The following MAGI1 variants were observed in gnomAD, a reference collection of about 807,000 sequenced individuals.
The protein encoded by MAGI1 is membrane-associated guanylate kinase, WW and PDZ domain-containing protein 1.
A neutral mutation model predicts 139.9 loss-of-function variants in MAGI1; 58 were observed. The ratio of observed to expected loss-of-function variants is 0.41; its 90% CI spans 0.34 to 0.52. The LOEUF (loss-of-function observed/expected upper bound fraction) is 0.52. MAGI1 is among the 20% of genes least tolerant of loss of function. The probability of loss-of-function intolerance (pLI) is 0.12; values close to 1 mark genes in which losing one functional copy is unlikely to be tolerated. For missense variants in MAGI1, 1,874 were observed against 1,901.6 expected, an observed-to-expected ratio of 0.99 and a Z score of 0.27; for synonymous variants, 812 against 737.9, an observed-to-expected ratio of 1.10 and a Z score of -1.63.
At chr3:66,013,602 A>G (rs1384014640) in intron 1 of MAGI1, among the ~76,000 whole-genome samples, 1 of 151,824 alleles carries the variant, frequency 6.6e-6, no homozygotes, top group Middle Eastern at 3.4e-3. Flanking sequence ...TCTACTAAAA[A>G]TACAAAAAAT....
At chr3:65,587,664 T>C (rs1230740860) in intron 2 of MAGI1, among the ~76,000 whole-genome samples, 1 of 151,818 alleles carries the variant, frequency 6.6e-6, no homozygotes, top group Non-Finnish European at 1.5e-5. Flanking sequence ...TATTTTTTTG[T>C]AGAGATGAGG....
intron 1 of MAGI1, chr3:66,008,820 G>C (rs1299325945): frequency 6.6e-6 from 1 of 152,472 alleles, no homozygotes; most frequent in Admixed American, 6.5e-5. Context: ...TGGCCGGGGG[G>C]CAGGGGCCAG....
chr3:65,606,049 G>C (rs543323868), intron 2 of MAGI1, among the ~76,000 whole-genome samples: 1 of 152,182 alleles, frequency 6.6e-6, no homozygotes, highest in South Asian at 2.1e-4. Flanking sequence ...ACATATTTTT[G>C]CAGTTTGAGC....
At chr3:65,678,963 A>T (rs897144828) in intron 1 of MAGI1, among the ~76,000 whole-genome samples, 3 of 152,142 alleles carry the variant, frequency 2.0e-5, no homozygotes, top group Non-Finnish European at 4.4e-5. Flanking sequence ...CCATCTTCCA[A>T]CTTGAATAAT....
Position 65,921,520 on chromosome 3 carries a change from G to A in MAGI1, c.313+116476C>T, listed in dbSNP as rs1280736683. On this transcript the variant is annotated intron_variant, in intron 1 of 22. Coordinates refer to ENST00000402939, the MANE Select transcript of MAGI1 (RefSeq NM_001033057.2). ...AGACGGGGTTTCACCATGTTGGCCA[G>A]GCTGGTCTCGAACTTCTGGCTTCAA... is the stretch of plus-strand genomic sequence containing the variant. Among the ~76,000 whole-genome samples, 17 of 151,922 alleles carry A rather than the reference G, an allele frequency of 1.1e-4. No individual in the cohort carries two copies. In the South Asian group the frequency reaches 3.5e-3, roughly 32 times the overall value.
chr3:65,509,456 C>A (rs1043915606), intron 2 of MAGI1, among the ~76,000 whole-genome samples: 1 of 152,160 alleles, frequency 6.6e-6, no homozygotes, highest in Non-Finnish European at 1.5e-5. Context: ...GCGTACCGTG[C>A]GCAAGCCGAA....
At chr3:65,364,223 T>C (rs75123946) in intron 20 of MAGI1, among the ~76,000 whole-genome samples, 1,613 of 148,586 alleles carry the variant, frequency 0.011, 34 homozygotes, top group African/African-American at 0.038. Flanking sequence ...TCACCCAAAG[T>C]TCCTCAAATT....
chr3:65,466,105 C>CT (rs1218205197), intron 5 of MAGI1, among the ~76,000 whole-genome samples: 1 of 152,048 alleles, frequency 6.6e-6, no homozygotes, highest in African/African-American at 2.4e-5. Context: ...TTTGCTGAGA[C>CT]TTTCTATTTT....
chr3:65,812,468 T>TCACACACA (rs1553711393), intron 1 of MAGI1, among the ~76,000 whole-genome samples: 7 of 89,164 alleles, frequency 7.9e-5, no homozygotes, highest in African/African-American at 1.9e-4. Flanking sequence ...TCTCTCTCTC[T>TCACACACA]CACACACACA....
chr3:65,845,682 C>T (rs1325761538), intron 1 of MAGI1, among the ~76,000 whole-genome samples: 1 of 152,218 alleles, frequency 6.6e-6, no homozygotes, highest in East Asian at 1.9e-4. Flanking sequence ...CACTGCCAGA[C>T]TGAAGAACTT....
At chr3:65,620,001 TG>T (rs1184580384) in intron 2 of MAGI1, 1 of 985,294 alleles carries the variant, frequency 1.0e-6, no homozygotes, top group Non-Finnish European at 1.2e-6. Flanking sequence ...AGTTCGTTTT[TG>T]CCCCAATTCC....
At chr3:65,974,038 C>G in intron 1 of MAGI1, among the ~76,000 whole-genome samples, 1 of 151,780 alleles carries the variant, frequency 6.6e-6, no homozygotes, top group Admixed American at 6.6e-5. Context: ...GTTCCTTTTT[C>G]AGAATTAGCA....
intron 14 of MAGI1, among the ~76,000 whole-genome samples, chr3:65,389,079 G>A (rs1310966630): frequency 2.6e-5 from 4 of 151,624 alleles, no homozygotes; most frequent in African/African-American, 9.7e-5. Flanking sequence ...TCCTGACTTC[G>A]TGATCCGCCC....
chr3:65,469,285 T>G (rs75668346), intron 5 of MAGI1, among the ~76,000 whole-genome samples: 1 of 152,182 alleles, frequency 6.6e-6, no homozygotes, highest in Non-Finnish European at 1.5e-5. Context: ...TTTCAATCTA[T>G]ACGAGTATAA....
At chr3:65,688,464 A>G (rs958883950) in intron 1 of MAGI1, 3 of 474,660 alleles carry the variant, frequency 6.3e-6, no homozygotes, top group African/African-American at 4.0e-5. Context: ...GAAACTCAAA[A>G]GTGACCTTCC....
rs116303429 is a variant in MAGI1, at chr3:65,554,348, G to T, written c.431-60717C>A. On this transcript the variant is annotated intron_variant, in intron 2 of 22. Transcript: ENST00000402939. Reference sequence around the variant, plus strand: ...AAGATTTGAGTAAAGTCTGACAAAAGATGACAAGAGGCACATCAGCTCTGA... The same window carrying T: ...AAGATTTGAGTAAAGTCTGACAAAATATGACAAGAGGCACATCAGCTCTGA... Among the ~76,000 whole-genome samples the T allele has an allele frequency of 7.2e-3, 1,091 of 152,284 alleles. 14 individuals carry two copies. Among genetic ancestry groups the T allele is most frequent in the African/African-American group, 0.025 (1,048 of 41,566 alleles).
intron 1 of MAGI1, among the ~76,000 whole-genome samples, chr3:66,018,685 CTT>C (rs1189817624): frequency 6.6e-6 from 1 of 152,212 alleles, no homozygotes; most frequent in Admixed American, 6.5e-5. Context: ...TGGTGACCCT[CTT>C]TGCAGCCTTC....
intron 1 of MAGI1, among the ~76,000 whole-genome samples, chr3:65,835,571 A>G (rs2108313616): frequency 6.6e-6 from 1 of 151,790 alleles, no homozygotes; most frequent in South Asian, 2.1e-4. Context: ...AGTATGATAA[A>G]GGCCATTCGT....
chr3:65,625,592 T>C (rs946678324), intron 1 of MAGI1, among the ~76,000 whole-genome samples: 1 of 152,124 alleles, frequency 6.6e-6, no homozygotes, highest in African/African-American at 2.4e-5. Flanking sequence ...GGATGATACA[T>C]TCAGACAGTG....
Sources: gnomAD v4.1 joint callset for allele counts (sites outside exome capture counted in the v4.1 genomes callset) on GRCh38, gnomAD v4.1.1 for gene constraint, MANE v1.5 for transcripts, NCBI Gene and HGNC (gene_info 2026-07-23, HGNC 2026-07-21) for gene names.